NUAK1: variants seen among roughly 807,000 people sequenced by gnomAD.
NUAK1 encodes the protein NUAK family kinase 1, also known as NUAK family SNF1-like kinase 1.
NUAK1 carries 26 observed loss-of-function variants against 56.9 expected under a neutral mutation model. The observed-to-expected ratio is 0.46, with a 90% CI of 0.33 to 0.63. The LOEUF (loss-of-function observed/expected upper bound fraction) is 0.63. Ranked by LOEUF, NUAK1 falls within the 30% of genes least tolerant of loss-of-function variation. NUAK1 has a pLI of 0.02. For synonymous variants in NUAK1, 337 were observed against 336.0 expected, an observed-to-expected ratio of 1.00 and a Z score of -0.03; for missense variants, 727 against 876.1, an observed-to-expected ratio of 0.83 and a Z score of 2.15.
chr12:106,120,280 C>T (rs1464319015), intron 1 of NUAK1, among the ~76,000 whole-genome samples: 1 of 152,116 alleles, frequency 6.6e-6, no homozygotes, highest in Non-Finnish European at 1.5e-5. Flanking sequence ...ATAAGAAGTC[C>T]AATTTCAGAC....
rs2032577309 is a variant in NUAK1, at chr12:106,086,903, CA to C, written c.362-19del. The C allele has an allele frequency of 6.2e-7, 1 of 1,604,712 alleles. No homozygotes were observed. The highest frequency in any genetic ancestry group is 8.5e-7 in the Non-Finnish European group (1 of 1,172,446). Reference sequence around the variant, plus strand: ...CTCAAACACTGCAGAGGGAAAACAGCAATACACAAACACCCCGTTTAGCCAA... The same window carrying C: ...CTCAAACACTGCAGAGGGAAAACAGCATACACAAACACCCCGTTTAGCCAA... On this transcript the variant is annotated intron_variant, in intron 2 of 6. Transcript: ENST00000261402.
intron 1 of NUAK1, among the ~76,000 whole-genome samples, chr12:106,110,733 T>G (rs897050284): frequency 2.0e-5 from 3 of 152,226 alleles, no homozygotes; most frequent in Non-Finnish European, 4.4e-5. Flanking sequence ...ACCATGTGCC[T>G]TATAAAATGG....
At chr12:106,117,998 T>G (rs572277812) in intron 1 of NUAK1, among the ~76,000 whole-genome samples, 55 of 152,360 alleles carry the variant, frequency 3.6e-4, no homozygotes, top group African/African-American at 1.3e-3. Context: ...AGTCTTAATT[T>G]GTATAAGAAT....
chr12:106,132,283 A>G (rs560286349), intron 1 of NUAK1, among the ~76,000 whole-genome samples: 2 of 152,370 alleles, frequency 1.3e-5, no homozygotes, highest in Admixed American at 6.5e-5. Context: ...GAGGTCAGGA[A>G]AGATAACGTA....
chr12:106,129,675 T>C (rs1045104960), intron 1 of NUAK1, among the ~76,000 whole-genome samples: 1 of 152,216 alleles, frequency 6.6e-6, no homozygotes, highest in Admixed American at 6.5e-5. Flanking sequence ...AGAAGGTCAC[T>C]GGGTACTCCA....
At chr12:106,087,820 A>T (rs1257520779) in intron 2 of NUAK1, among the ~76,000 whole-genome samples, 3 of 152,216 alleles carry the variant, frequency 2.0e-5, no homozygotes, top group Non-Finnish European at 2.9e-5. Flanking sequence ...GATCAAGTGC[A>T]GAACTACCAG....
intron 4 of NUAK1, among the ~76,000 whole-genome samples, chr12:106,081,287 G>A (rs531326320): frequency 6.6e-6 from 1 of 152,310 alleles, no homozygotes; most frequent in East Asian, 1.9e-4. Flanking sequence ...AAAACAAGGG[G>A]TTGGAAAAAT....
chr12:106,070,867 C>T lies in NUAK1; in HGVS notation c.739G>A (p.Val247Ile), dbSNP rs759171465. The T allele has an allele frequency of 5.6e-6, 9 of 1,614,132 alleles. No homozygotes were observed. The South Asian group carries it at 8.8e-5, about 16-fold the overall frequency. The change falls in exon 6 of 7, where the codon GTT becomes ATT. Residue 247 changes from valine to isoleucine, a missense_variant. Transcript: ENST00000261402. ...WALGVLLYTL[V>I]YGTMPFDGFD... ...CCATCGAAGGGCATTGTTCCATAAA[C>T]AAGAGTGTAAAGCAACACACCCAGG...
At position 106,068,314 on chromosome 12, in the gene NUAK1, C is replaced by T. The variant is rs190365503; in HGVS notation, c.833-359G>A. On this transcript the variant is annotated intron_variant, in intron 6 of 6. Transcript: ENST00000261402. ...TGACCCTGAGAGGTGCCCCACCATT[C>T]CTTTGGCGAATATCATTTTACCAGA... Among the ~76,000 whole-genome samples, 399 of 152,362 alleles carry T rather than the reference C, an allele frequency of 2.6e-3. 1 individual carries two copies. The highest frequency in any genetic ancestry group is 0.02 in the Middle Eastern group (6 of 294).
intron 2 of NUAK1, 75 bp from the exon 3 acceptor site, chr12:106,086,960 A>G: frequency 6.4e-7 from 1 of 1,553,850 alleles, no homozygotes; most frequent in Non-Finnish European, 8.8e-7. Flanking sequence ...AGAATGCGAG[A>G]GAGGACAACG....
chr12:106,134,523 C>T (rs1436736694), intron 1 of NUAK1, among the ~76,000 whole-genome samples: 1 of 152,194 alleles, frequency 6.6e-6, no homozygotes, highest in Non-Finnish European at 1.5e-5. Context: ...ATCCCAGACT[C>T]CCCCCCAGGG....
In NUAK1 at chr12:106,066,976, T is replaced by G; in HGVS notation, c.1812A>C (p.Ala604=). 6.2e-7 allele frequency: 1 copy of G among 1,614,234 alleles called. No homozygotes were observed. Among genetic ancestry groups the G allele is most frequent in the Non-Finnish European group, 8.5e-7 (1 of 1,180,038 alleles). ...AGTCCTGGATCTGGAGGAAGTTTTC[T>G]GCAGAGACGCAGCTGCGGATGCGCT... ...ARQRIRSCVS[A]ENFLQIQDFE... Residue 604 remains alanine (A), a synonymous_variant, in exon 7 of 7, where the codon GCA becomes GCC. Coordinates refer to ENST00000261402, the MANE Select transcript of NUAK1 (RefSeq NM_014840.3).
intron 1 of NUAK1, among the ~76,000 whole-genome samples, chr12:106,125,203 A>G (rs915181195): frequency 1.3e-5 from 2 of 152,212 alleles, no homozygotes; most frequent in Non-Finnish European, 2.9e-5. Context: ...ACCTAGACTC[A>G]TAACACTCCA....
At chr12:106,109,943 A>T (rs1156472663) in intron 1 of NUAK1, among the ~76,000 whole-genome samples, 1 of 152,160 alleles carries the variant, frequency 6.6e-6, no homozygotes, top group Non-Finnish European at 1.5e-5. Context: ...GCAAACTTGA[A>T]TTCCTCCTGG....
At chr12:106,089,854 C>T (rs981360937) in intron 2 of NUAK1, among the ~76,000 whole-genome samples, 1 of 152,152 alleles carries the variant, frequency 6.6e-6, no homozygotes, top group Non-Finnish European at 1.5e-5. Flanking sequence ...TCCCTTACCC[C>T]CATCCTTTCT....
rs1375542497 is a variant in NUAK1 at position 106,067,422 on chromosome 12, G to A, written c.1366C>T (p.Pro456Ser). 3.1e-6 allele frequency: 5 copies of A among 1,614,036 alleles called. No homozygotes were observed. The African/African-American group carries it at 5.3e-5, about 17-fold the overall frequency. ...PEAEVPGKLS[P>S]KQSATMPKKG... The stretch of plus-strand genomic sequence containing the variant: ...TTGGGCATCGTGGCCGACTGCTTGG[G>A]GCTGAGTTTTCCCGGCACCTCTGCC... The change falls in exon 7 of 7, where the codon CCC (proline) becomes TCC (serine). Residue 456 changes from proline (P) to serine (S), a missense_variant. Physicochemically the swap from Pro to Ser is moderately conservative, Grantham distance 74. Coordinates refer to ENST00000261402, the MANE Select transcript of NUAK1 (RefSeq NM_014840.3). This position sits in a 1 kb window ranked among gnomAD's most constrained non-coding sequence, Gnocchi z 6.0.
At chr12:106,121,116 C>T (rs2556531) in intron 1 of NUAK1, among the ~76,000 whole-genome samples, 89,689 of 152,014 alleles carry the variant, frequency 0.59, 26,747 homozygotes, top group Non-Finnish European at 0.64. Context: ...AGCCACATAG[C>T]GGAAAGAACC....
At chr12:106,106,589 G>C in intron 1 of NUAK1, 64 bp from the exon 2 acceptor site, 1 of 1,529,950 alleles carries the variant, frequency 6.5e-7, no homozygotes, top group Non-Finnish European at 8.8e-7. Context: ...GCCATTGGGG[G>C]AGTTTGGAAA....
intron 1 of NUAK1, among the ~76,000 whole-genome samples, chr12:106,131,215 T>A (rs2033075251): frequency 6.6e-6 from 1 of 152,158 alleles, no homozygotes; most frequent in African/African-American, 2.4e-5. Flanking sequence ...TCACATATCA[T>A]ATAATTCACC....
Sources: allele counts gnomAD v4.1 joint callset (sites outside exome capture counted in the v4.1 genomes callset), GRCh38; gene constraint gnomAD v4.1.1; non-coding constraint Gnocchi (gnomAD v3.1); transcripts MANE v1.5; gene names NCBI Gene and HGNC (gene_info 2026-07-23, HGNC 2026-07-21).